Variants in DLG1 observed in about 807,000 individuals in gnomAD.
DLG1 encodes the protein discs large MAGUK scaffold protein 1.
DLG1 carries 42 observed loss-of-function variants against 123.4 expected under a neutral mutation model. That is an observed-to-expected ratio of 0.34 (90% CI 0.27 to 0.44). The LOEUF (loss-of-function observed/expected upper bound fraction) is 0.44. Among genes scored for constraint, DLG1 ranks in the 20% least tolerant of loss-of-function variants. DLG1 has a pLI of 1.00. For synonymous variants in DLG1, 317 were observed against 356.2 expected, an observed-to-expected ratio of 0.89 and a Z score of 1.24; for missense variants, 942 against 1,082.6, an observed-to-expected ratio of 0.87 and a Z score of 1.82.
At chr3:197,089,342 C>T (rs1325440078) in intron 15 of DLG1, among the ~76,000 whole-genome samples, 1 of 151,996 alleles carries the variant, frequency 6.6e-6, no homozygotes. Flanking sequence ...GCCTGGCAAA[C>T]ATGGTGAAAC....
chr3:197,144,779 A>G (rs1789850146), intron 6 of DLG1, among the ~76,000 whole-genome samples: 2 of 152,066 alleles, frequency 1.3e-5, no homozygotes, highest in Non-Finnish European at 2.9e-5. Flanking sequence ...CTTCTTTCTC[A>G]TCTATAGACA....
intron 16 of DLG1, among the ~76,000 whole-genome samples, chr3:197,081,576 C>T (rs1347348328): frequency 6.6e-6 from 1 of 152,028 alleles, no homozygotes; most frequent in Non-Finnish European, 1.5e-5. Context: ...TTTGTACTTA[C>T]TTTTCTATAG....
rs1235991417 is a variant in DLG1 at position 197,044,332 on chromosome 3, T to TAAAC, written c.*287_*290dup. ...AAAATCTCTTAAAGTTACTTTCCCT[T>TAAAC]AAACATTAAGGAATTTTACCACAAT... is the stretch of plus-strand genomic sequence containing the variant. On this transcript the variant is annotated 3_prime_UTR_variant, in exon 25 of 25. Coordinates refer to ENST00000667157, the MANE Select transcript of DLG1 (RefSeq NM_001366207.1). The TAAAC allele has an allele frequency of 5.7e-5, 14 of 244,198 alleles. No homozygotes were observed. The highest frequency in any genetic ancestry group is 1.1e-4 in the Non-Finnish European group (14 of 128,128). 15.1% of individuals were successfully genotyped at this position (244,198 alleles called of 1,614,324 possible).
intron 4 of DLG1, among the ~76,000 whole-genome samples, chr3:197,268,368 T>A (rs566779431): frequency 1.6e-4 from 24 of 152,298 alleles, no homozygotes; most frequent in Admixed American, 1.6e-3. Flanking sequence ...AGTTTTCTCC[T>A]AGATTAACAG....
At chr3:197,292,998 C>T (rs1775676030) in intron 3 of DLG1, among the ~76,000 whole-genome samples, 1 of 152,176 alleles carries the variant, frequency 6.6e-6, no homozygotes, top group Non-Finnish European at 1.5e-5. Context: ...ACCTTAGAAT[C>T]ATGAATGAAC....
At chr3:197,274,675 A>G (rs114756903) in intron 4 of DLG1, among the ~76,000 whole-genome samples, 2,271 of 152,350 alleles carry the variant, frequency 0.015, 61 homozygotes, top group African/African-American at 0.052. Context: ...AACGACCAAC[A>G]GAGTGATGAA....
At position 197,044,725 on chromosome 3, in the gene DLG1, A is replaced by G. The variant is rs757876030; in HGVS notation, c.2580T>C (p.Ile860=). 3 of 1,541,124 alleles carry G rather than the reference A, an allele frequency of 1.9e-6. No homozygotes were observed. In the South Asian group the frequency reaches 3.7e-5, roughly 19 times the overall value. The stretch of plus-strand genomic sequence containing the variant: ...TGTCTTCCAGCGTATCCCCCTGTAC[A>G]ATAGCTGTAATGATAGAAACAAAAT... The part of the protein sequence containing the change: ...EQEFTEHFTA[I]VQGDTLEDIY... The change falls in exon 25 of 25, where the codon ATT becomes ATC. Residue 860 remains isoleucine (I), a synonymous_variant. Coordinates refer to ENST00000667157, the MANE Select transcript of DLG1 (RefSeq NM_001366207.1).
chr3:197,292,181 A>C (rs1036436347), intron 3 of DLG1, among the ~76,000 whole-genome samples: 2 of 152,220 alleles, frequency 1.3e-5, no homozygotes, highest in African/African-American at 2.4e-5. Flanking sequence ...CATTCCTAAC[A>C]GCATTATTCA....
intron 4 of DLG1, among the ~76,000 whole-genome samples, chr3:197,229,340 A>T (rs1297734963): frequency 6.6e-6 from 1 of 151,752 alleles, no homozygotes; most frequent in African/African-American, 2.4e-5. Flanking sequence ...AAAAAATATA[A>T]ATAAATACTT....
chr3:197,274,435 G>GT (rs1560109484), intron 4 of DLG1, among the ~76,000 whole-genome samples: 1 of 151,842 alleles, frequency 6.6e-6, no homozygotes. Flanking sequence ...ATATGAAAAC[G>GT]TAACAAAAAA....
chr3:197,149,741 AC>A lies in DLG1; in HGVS notation c.537+1del. ...TCAATGTGGGGAGGAAATGGAACTT[AC>A]GTAAGTTGGTGTTTCCAAGCTATCT... On this transcript the variant is annotated splice_donor_variant, in intron 6 of 24. Coordinates refer to ENST00000667157, the MANE Select transcript of DLG1 (RefSeq NM_001366207.1). LOFTEE classifies it high-confidence loss of function. The A allele has an allele frequency of 6.3e-7, 1 of 1,590,332 alleles. No individual in the cohort carries two copies. The highest frequency in any genetic ancestry group is 8.6e-7 in the Non-Finnish European group (1 of 1,158,750).
chr3:197,134,646 C>T (rs1784244196), intron 10 of DLG1, among the ~76,000 whole-genome samples: 1 of 152,228 alleles, frequency 6.6e-6, no homozygotes. Flanking sequence ...ATACTACTTT[C>T]ATCTTGTCTC....
intron 4 of DLG1, among the ~76,000 whole-genome samples, chr3:197,246,447 G>A (rs1751768344): frequency 6.6e-6 from 1 of 152,138 alleles, no homozygotes; most frequent in Admixed American, 6.5e-5. Context: ...TTGAGTTGGT[G>A]GGCCATCTTC....
At chr3:197,088,836 GA>G (rs767371356) in intron 15 of DLG1, among the ~76,000 whole-genome samples, 3 of 152,230 alleles carry the variant, frequency 2.0e-5, no homozygotes, top group Non-Finnish European at 4.4e-5. Context: ...CAGGAAAAAT[GA>G]AGGGCTGCAG....
chr3:197,127,063 T>C (rs1418456720), intron 11 of DLG1, among the ~76,000 whole-genome samples: 1 of 152,138 alleles, frequency 6.6e-6, no homozygotes, highest in East Asian at 1.9e-4. Context: ...GATTTCATTT[T>C]TCCACCAATA....
chr3:197,065,672 G>C (rs756651910), intron 21 of DLG1, 36 bp downstream of exon 21: 1 of 1,397,242 alleles, frequency 7.2e-7, no homozygotes, highest in Non-Finnish European at 1.0e-6. Flanking sequence ...GAAATGTTAA[G>C]AGTAACAATT....
intron 3 of DLG1, among the ~76,000 whole-genome samples, chr3:197,283,090 CCCAACTCCATCA>C (rs1169540553): frequency 2.0e-5 from 3 of 152,158 alleles, no homozygotes; most frequent in South Asian, 2.1e-4. Flanking sequence ...TGATTCAAAT[CCCAACTCCATCA>C]CCAACTAGCT....
At chr3:197,260,017 T>C (rs979438003) in intron 4 of DLG1, among the ~76,000 whole-genome samples, 2 of 152,178 alleles carry the variant, frequency 1.3e-5, no homozygotes, top group Non-Finnish European at 2.9e-5. Flanking sequence ...CCCTTGCTGC[T>C]GGGAGAAAGG....
At chr3:197,205,680 C>T (rs775684497) in intron 4 of DLG1, among the ~76,000 whole-genome samples, 1 of 152,188 alleles carries the variant, frequency 6.6e-6, no homozygotes, top group Non-Finnish European at 1.5e-5. Flanking sequence ...GTGAAATATA[C>T]TCACTAAAAC....
Sources: gnomAD v4.1 joint callset for allele counts (sites outside exome capture counted in the v4.1 genomes callset) on GRCh38, gnomAD v4.1.1 for gene constraint, MANE v1.5 for transcripts, NCBI Gene and HGNC (gene_info 2026-07-23, HGNC 2026-07-21) for gene names.